Variants in LRMDA observed in about 807,000 individuals in gnomAD.
The protein encoded by LRMDA is leucine rich melanocyte differentiation associated, also known as leucine-rich melanocyte differentiation-associated protein.
In LRMDA, 18 loss-of-function variants were observed where a neutral mutation model predicts 29.8. That is an observed-to-expected ratio of 0.60 (90% CI 0.42 to 0.90). The LOEUF (loss-of-function observed/expected upper bound fraction) is 0.90. LRMDA is among the 40% of genes least tolerant of loss of function. The pLI is 0.00. For synonymous variants in LRMDA, 125 were observed against 109.4 expected (o/e 1.14, Z -0.89); for missense variants, 273 against 273.9 (o/e 1.00, Z 0.02).
intron 2 of LRMDA, among the ~76,000 whole-genome samples, chr10:75,661,457 A>G (rs1285455495): frequency 1.3e-5 from 2 of 152,190 alleles, no homozygotes; most frequent in African/African-American, 2.4e-5. Flanking sequence ...GAGAATCTAC[A>G]TCTCTAAAAA....
At chr10:76,411,463 C>T (rs1053697443) in intron 6 of LRMDA, among the ~76,000 whole-genome samples, 3 of 152,228 alleles carry the variant, frequency 2.0e-5, no homozygotes, top group Admixed American at 6.5e-5. Context: ...GTTTCATGGA[C>T]TCCCTGGGTG....
intron 5 of LRMDA, among the ~76,000 whole-genome samples, chr10:76,107,956 G>T (rs1849514582): frequency 6.6e-6 from 1 of 152,088 alleles, no homozygotes; most frequent in East Asian, 1.9e-4. Flanking sequence ...TCCCTTAGGG[G>T]CAAAGAGTTT....
intron 6 of LRMDA, among the ~76,000 whole-genome samples, chr10:76,485,848 T>A (rs1385733886): frequency 6.6e-6 from 1 of 151,710 alleles, no homozygotes; most frequent in Non-Finnish European, 1.5e-5. Context: ...TCTCTCGGGG[T>A]TTTTTACTAC....
intron 5 of LRMDA, among the ~76,000 whole-genome samples, chr10:76,245,849 A>G (rs796345146): frequency 2.6e-5 from 4 of 152,352 alleles, no homozygotes; most frequent in African/African-American, 9.6e-5. Context: ...ACAACTATGT[A>G]TCATTCTTAT....
intron 2 of LRMDA, among the ~76,000 whole-genome samples, chr10:75,676,848 C>G (rs73280856): frequency 6.6e-6 from 1 of 151,962 alleles, no homozygotes; most frequent in Non-Finnish European, 1.5e-5. Flanking sequence ...TGGCTCTTCA[C>G]ATTCTCATTT....
At chr10:76,259,313 T>C (rs1175689826) in intron 5 of LRMDA, among the ~76,000 whole-genome samples, 1 of 152,128 alleles carries the variant, frequency 6.6e-6, no homozygotes, top group Non-Finnish European at 1.5e-5. Flanking sequence ...TTCTTAATTT[T>C]TTCCTTCACT....
At chr10:76,447,121 A>G (rs1423002861) in intron 6 of LRMDA, among the ~76,000 whole-genome samples, 1 of 151,122 alleles carries the variant, frequency 6.6e-6, no homozygotes, top group Non-Finnish European at 1.5e-5. Flanking sequence ...ACTGCCTTCC[A>G]GTTCACTAGT....
chr10:76,556,875 A>G (rs1843564201), intron 6 of LRMDA, among the ~76,000 whole-genome samples: 1 of 152,146 alleles, frequency 6.6e-6, no homozygotes, highest in Admixed American at 6.5e-5. Context: ...TTGAAACTCT[A>G]CTAAGGGAAA....
chr10:75,799,370 A>G (rs1195485566), intron 2 of LRMDA, among the ~76,000 whole-genome samples: 2 of 152,130 alleles, frequency 1.3e-5, no homozygotes, highest in Non-Finnish European at 2.9e-5. Flanking sequence ...TAGCCATACC[A>G]CTTTTTTATG....
chr10:76,405,385 A>T (rs527821884), intron 6 of LRMDA, among the ~76,000 whole-genome samples: 1 of 152,274 alleles, frequency 6.6e-6, no homozygotes, highest in South Asian at 2.1e-4. Context: ...TTAGATTTTG[A>T]TGGGAGGTAT....
intron 5 of LRMDA, among the ~76,000 whole-genome samples, chr10:76,099,145 G>A (rs1340171117): frequency 2.0e-5 from 3 of 152,190 alleles, no homozygotes; most frequent in African/African-American, 7.2e-5. Flanking sequence ...TAATATGTTA[G>A]TCCTACCTAC....
intron 2 of LRMDA, among the ~76,000 whole-genome samples, chr10:76,018,567 G>T (rs74568432): frequency 7.6e-5 from 10 of 131,948 alleles, no homozygotes; most frequent in African/African-American, 2.6e-4. Context: ...GGCTTCTGAA[G>T]TTTTTTTTTT....
At position 76,439,310 on chromosome 10, in the gene LRMDA, G is replaced by A. The variant is rs547939078; in HGVS notation, c.601+114825G>A. ...GACAGGAAAGCTCAAAGACATATCTGTGACATTTAAATGTCTACCATCAGC... is the reference window on the plus strand; with the variant it reads ...GACAGGAAAGCTCAAAGACATATCTATGACATTTAAATGTCTACCATCAGC... On this transcript the variant is annotated intron_variant, in intron 6 of 6. Coordinates refer to ENST00000611255, the MANE Select transcript of LRMDA (RefSeq NM_001305581.2). Among the ~76,000 whole-genome samples, 7 of 152,244 alleles carry A rather than the reference G, an allele frequency of 4.6e-5. No homozygotes were observed. The East Asian group carries it at 1.4e-3, about 29-fold the overall frequency.
At chr10:75,812,282 C>T (rs745581839) in intron 2 of LRMDA, among the ~76,000 whole-genome samples, 4 of 151,986 alleles carry the variant, frequency 2.6e-5, no homozygotes, top group Non-Finnish European at 4.4e-5. Context: ...ATCAACACTG[C>T]TGCAGTTATA....
At chr10:76,202,987 T>A (rs555576905) in intron 5 of LRMDA, among the ~76,000 whole-genome samples, 1 of 152,310 alleles carries the variant, frequency 6.6e-6, no homozygotes, top group East Asian at 1.9e-4. Context: ...TCTCTCTATT[T>A]TCCTGCCATT....
At position 76,558,642 on chromosome 10, in the gene LRMDA, C is replaced by T. The variant is rs1263690250; in HGVS notation, c.*1354C>T. On this transcript the variant is annotated 3_prime_UTR_variant, in exon 7 of 7. Coordinates refer to ENST00000611255, the MANE Select transcript of LRMDA (RefSeq NM_001305581.2). ...TTAGGTCAGTTTGATGACAGCAAAA[C>T]CTGAAAGAGAATCCCTCCAAGTTAT... The T allele has an allele frequency of 1.3e-5, 2 of 152,176 alleles. No homozygotes were observed. Among genetic ancestry groups the T allele is most frequent in the Non-Finnish European group, 2.9e-5 (2 of 68,038 alleles). The allele number at this position is 152,176 out of a possible 1,614,324, so 9.4% of individuals were successfully genotyped here.
At chr10:76,352,070 C>G (rs1171839620) in intron 6 of LRMDA, among the ~76,000 whole-genome samples, 1 of 152,090 alleles carries the variant, frequency 6.6e-6, no homozygotes, top group Non-Finnish European at 1.5e-5. Context: ...AATAATAACA[C>G]CTGCCTTACT....
chr10:75,517,975 G>A (rs537428804), intron 2 of LRMDA, among the ~76,000 whole-genome samples: 105 of 152,222 alleles, frequency 6.9e-4, no homozygotes, highest in Middle Eastern at 6.8e-3. Flanking sequence ...TTTGTCTTTG[G>A]TTCTGTTTAT....
At chr10:75,497,383 G>A (rs1845058594) in intron 2 of LRMDA, among the ~76,000 whole-genome samples, 3 of 151,646 alleles carry the variant, frequency 2.0e-5, no homozygotes, top group South Asian at 4.2e-4. Context: ...CTTTTTTCAC[G>A]CATTTCATAG....
Sources: allele counts gnomAD v4.1 joint callset (sites outside exome capture counted in the v4.1 genomes callset), GRCh38; gene constraint gnomAD v4.1.1; transcripts MANE v1.5; gene names NCBI Gene and HGNC (gene_info 2026-07-23, HGNC 2026-07-21).